MAST4: variants seen among roughly 807,000 people sequenced by gnomAD.
The protein encoded by MAST4 is microtubule-associated serine/threonine-protein kinase 4.
A neutral mutation model predicts 162.7 loss-of-function variants in MAST4; 89 were observed. The ratio of observed to expected loss-of-function variants is 0.55; its 90% confidence interval spans 0.46 to 0.65. The LOEUF (loss-of-function observed/expected upper bound fraction) is 0.65, where lower values mean the gene tolerates loss of function less well. Ranked by LOEUF, MAST4 falls within the 30% of genes least tolerant of loss-of-function variation. The pLI is 0.00. For missense variants in MAST4, 3,153 were observed against 3,374.0 expected (o/e 0.93, Z 1.62); for synonymous variants, 1,479 against 1,361.1 (o/e 1.09, Z -1.91).
intron 4 of MAST4, among the ~76,000 whole-genome samples, chr5:66,938,072 C>T (rs951669021): frequency 6.6e-6 from 1 of 151,930 alleles, no homozygotes; most frequent in African/African-American, 2.4e-5. Flanking sequence ...TCAGTTGAGT[C>T]TGTTTGGTTT....
intron 3 of MAST4, among the ~76,000 whole-genome samples, chr5:66,811,754 A>G (rs1756489516): frequency 6.6e-6 from 1 of 152,136 alleles, no homozygotes; most frequent in Non-Finnish European, 1.5e-5. Context: ...AATGAGTTTG[A>G]CCTGTTACTC....
chr5:66,973,002 C>T (rs564067320), intron 4 of MAST4, among the ~76,000 whole-genome samples: 9 of 152,216 alleles, frequency 5.9e-5, no homozygotes, highest in East Asian at 3.9e-4. Flanking sequence ...AAAAATTGTA[C>T]GACCATGTTC....
At chr5:66,935,486 G>A (rs1308232772) in intron 4 of MAST4, among the ~76,000 whole-genome samples, 1 of 151,870 alleles carries the variant, frequency 6.6e-6, no homozygotes, top group African/African-American at 2.4e-5. Context: ...AATTCCCTCA[G>A]CTGTCGTTCT....
intron 4 of MAST4, among the ~76,000 whole-genome samples, chr5:66,965,886 G>A (rs752762435): frequency 3.9e-5 from 6 of 152,082 alleles, no homozygotes; most frequent in Non-Finnish European, 7.4e-5. Flanking sequence ...CTGAGGAAAC[G>A]TACCTTATCA....
At chr5:66,665,579 C>T (rs902024003) in intron 1 of MAST4, among the ~76,000 whole-genome samples, 2 of 152,194 alleles carry the variant, frequency 1.3e-5, no homozygotes, top group African/African-American at 4.8e-5. Flanking sequence ...GATCACCTAA[C>T]CCCCAACCCC....
rs570680436 is a variant in MAST4, at chr5:66,638,206, A to C, written c.363+41188A>C. 6.6e-5 allele frequency among the ~76,000 whole-genome samples: 10 copies of C among 152,228 alleles called. No individual in the cohort carries two copies. In the East Asian group the frequency reaches 1.9e-3, roughly 29 times the overall value. ...TCTTTGTGTCCTGAATTCCTTTGGC[A>C]GTCTGGGCAGGTCTTTGGCAGTGGT... On this transcript the variant is annotated intron_variant, in intron 1 of 28. Transcript: ENST00000403625.
rs1367525330 is a variant in MAST4, at chr5:67,144,772, G to C, written c.2834G>C (p.Ser945Thr). 1.9e-6 allele frequency: 3 copies of C among 1,611,776 alleles called. No individual in the cohort carries two copies. The highest frequency in any genetic ancestry group is 2.5e-6 in the Non-Finnish European group (3 of 1,178,630). ...STTLPSTETL[S>T]WSSEYSEMQQ... The stretch of plus-strand genomic sequence containing the variant: ...ACCTTGCCATCCACAGAAACACTGA[G>C]CTGGAGTTCAGAATATTCTGAAATG... The change falls in exon 22 of 29, where the codon AGC (serine) becomes ACC (threonine). Residue 945 changes from serine to threonine, a missense_variant. Physicochemically the swap from Ser to Thr is moderately conservative, Grantham distance 58. Around this residue, in one of 7 missense-constraint regions of MAST4, gnomAD observed 619 missense variants for 744.2 expected, o/e 0.83. Coordinates refer to ENST00000403625, the MANE Select transcript of MAST4 (RefSeq NM_001164664.2).
chr5:67,019,517 C>A (rs2150381217), intron 4 of MAST4, among the ~76,000 whole-genome samples: 1 of 152,280 alleles, frequency 6.6e-6, no homozygotes, highest in East Asian at 1.9e-4. Context: ...GATGGCAGGC[C>A]AATTAATATA....
intron 4 of MAST4, among the ~76,000 whole-genome samples, chr5:66,913,091 G>A (rs183275781): frequency 7.9e-5 from 12 of 152,254 alleles, no homozygotes; most frequent in Middle Eastern, 3.4e-3. Context: ...CCAATAGCTA[G>A]CATTGCATTT....
At chr5:66,834,945 G>A (rs143417067) in intron 3 of MAST4, among the ~76,000 whole-genome samples, 15 of 152,286 alleles carry the variant, frequency 9.8e-5, no homozygotes, top group African/African-American at 3.4e-4. Context: ...GAGGAGTGAT[G>A]TGTGAGAGGA....
chr5:66,742,379 A>T (rs774251888), intron 1 of MAST4, among the ~76,000 whole-genome samples: 93 of 152,292 alleles, frequency 6.1e-4, no homozygotes, highest in Non-Finnish European at 1.2e-3. Flanking sequence ...TTAGGGGGAA[A>T]GGAAACAGAA....
chr5:66,919,927 TC>T (rs1764395603), intron 4 of MAST4, among the ~76,000 whole-genome samples: 2 of 88,764 alleles, frequency 2.3e-5, no homozygotes, highest in Admixed American at 1.2e-4. Flanking sequence ...CTTCCTTCCT[TC>T]CTTCCTTCCT....
chr5:67,056,562 G>GA (rs1312588994), intron 5 of MAST4, among the ~76,000 whole-genome samples: 1 of 152,178 alleles, frequency 6.6e-6, no homozygotes, highest in Non-Finnish European at 1.5e-5. Context: ...AGAACGTGGT[G>GA]AAGACTTTAA....
intron 1 of MAST4, among the ~76,000 whole-genome samples, chr5:66,696,546 G>A (rs925760667): frequency 1.3e-5 from 2 of 151,988 alleles, no homozygotes; most frequent in Non-Finnish European, 2.9e-5. Flanking sequence ...TGATGGTCAA[G>A]TCAACATTCT....
intron 3 of MAST4, among the ~76,000 whole-genome samples, chr5:66,833,253 A>G (rs921033055): frequency 1.3e-5 from 2 of 152,156 alleles, no homozygotes; most frequent in Non-Finnish European, 2.9e-5. Flanking sequence ...AAGTCATTCT[A>G]GTTCCCACCT....
At chr5:66,602,467 T>C (rs929639067) in intron 1 of MAST4, among the ~76,000 whole-genome samples, 5 of 152,052 alleles carry the variant, frequency 3.3e-5, no homozygotes, top group African/African-American at 1.2e-4. Flanking sequence ...ACAAAGGCTA[T>C]CCACTCAGAC....
intron 3 of MAST4, among the ~76,000 whole-genome samples, chr5:66,883,181 G>A (rs1371872065): frequency 6.6e-6 from 1 of 152,182 alleles, no homozygotes; most frequent in African/African-American, 2.4e-5. Flanking sequence ...GGAGGAATCT[G>A]CTATGGATGG....
At chr5:67,075,185 T>G (rs1021280991) in intron 5 of MAST4, among the ~76,000 whole-genome samples, 3 of 143,796 alleles carry the variant, frequency 2.1e-5, no homozygotes, top group African/African-American at 8.0e-5. Flanking sequence ...TTTTCGTTCC[T>G]TTTTAGAGAG....
chr5:66,868,670 A>G (rs1393708935), intron 3 of MAST4, among the ~76,000 whole-genome samples: 2 of 152,170 alleles, frequency 1.3e-5, no homozygotes, highest in African/African-American at 2.4e-5. Context: ...CCTTGTTTCT[A>G]TGAAGATGTA....
Sources: gnomAD v4.1 joint callset for allele counts (sites outside exome capture counted in the v4.1 genomes callset) on GRCh38, gnomAD v4.1.1 for gene constraint, gnomAD v4.1.1 regional missense constraint, MANE v1.5 for transcripts, NCBI Gene and HGNC (gene_info 2026-07-23, HGNC 2026-07-21) for gene names.